The following RGS7 variants were observed in gnomAD, a reference collection of about 807,000 sequenced individuals.
The protein encoded by RGS7 is regulator of G-protein signaling 7.
A neutral mutation model predicts 81.1 loss-of-function variants in RGS7; 27 were observed. That is an observed-to-expected ratio of 0.33 (90% confidence interval 0.25 to 0.46). The LOEUF (loss-of-function observed/expected upper bound fraction) is 0.46. RGS7 is among the 20% of genes least tolerant of loss of function. RGS7 has a pLI of 1.00. For missense variants in RGS7, 396 were observed against 607.4 expected (o/e 0.65, Z 3.66); for synonymous variants, 208 against 207.7 (o/e 1.00, Z -0.01).
chr1:241,140,888 C>T (rs1226994965), intron 2 of RGS7, among the ~76,000 whole-genome samples: 2 of 152,168 alleles, frequency 1.3e-5, no homozygotes, highest in African/African-American at 2.4e-5. Context: ...ATATTTGACA[C>T]AACATTACCC....
At chr1:241,086,386 C>T (rs1281236561) in intron 3 of RGS7, among the ~76,000 whole-genome samples, 1 of 152,112 alleles carries the variant, frequency 6.6e-6, no homozygotes, top group Non-Finnish European at 1.5e-5. Flanking sequence ...GGCCTTCTCC[C>T]TTAACTCACC....
intron 6 of RGS7, among the ~76,000 whole-genome samples, chr1:240,889,078 T>A (rs527798155): frequency 6.6e-6 from 1 of 152,056 alleles, no homozygotes; most frequent in African/African-American, 2.4e-5. Context: ...TGCCTCAGCG[T>A]CCCAAGCAGC....
chr1:241,162,291 G>A (rs1186235500), intron 2 of RGS7, among the ~76,000 whole-genome samples: 1 of 146,480 alleles, frequency 6.8e-6, no homozygotes, highest in Non-Finnish European at 1.5e-5. Context: ...AAATGGCGGC[G>A]TTTAACTGGT....
chr1:240,877,754 T>C (rs1223667796), intron 6 of RGS7, among the ~76,000 whole-genome samples: 2 of 152,240 alleles, frequency 1.3e-5, no homozygotes, highest in East Asian at 3.8e-4. Context: ...TATGCATCTT[T>C]ATTTGTTTTT....
intron 2 of RGS7, among the ~76,000 whole-genome samples, chr1:241,355,207 A>T (rs1479483942): frequency 6.6e-6 from 1 of 152,254 alleles, no homozygotes; most frequent in Non-Finnish European, 1.5e-5. Context: ...ACAAAAAAAG[A>T]CTAGAATTGT....
chr1:240,892,904 T>C (rs1337463937), intron 6 of RGS7, among the ~76,000 whole-genome samples: 1 of 152,124 alleles, frequency 6.6e-6, no homozygotes, highest in East Asian at 1.9e-4. Context: ...CTTTTAACTA[T>C]CAATCTGAGT....
At chr1:241,274,559 T>C (rs2078091044) in intron 2 of RGS7, among the ~76,000 whole-genome samples, 1 of 152,224 alleles carries the variant, frequency 6.6e-6, no homozygotes, top group Non-Finnish European at 1.5e-5. Flanking sequence ...TAATATAATC[T>C]ATGCAGATAT....
intron 2 of RGS7, among the ~76,000 whole-genome samples, chr1:241,133,008 T>C (rs1440494473): frequency 1.3e-5 from 2 of 152,134 alleles, no homozygotes; most frequent in African/African-American, 4.8e-5. Context: ...GTAATCCGCC[T>C]GCCTCAGCCT....
In RGS7 at chr1:240,835,550, C is replaced by T. The variant is rs541750361; in HGVS notation, c.610-8378G>A. ...GTTTGGCAGTTTCTTACAAAACACTCTAACCATTCGATCCAGCAATCATCC... is the reference window on the plus strand; with the variant it reads ...GTTTGGCAGTTTCTTACAAAACACTTTAACCATTCGATCCAGCAATCATCC... On this transcript the variant is annotated intron_variant, in intron 9 of 18. Transcript: ENST00000440928. Among the ~76,000 whole-genome samples the T allele has an allele frequency of 7.9e-5, 12 of 152,308 alleles. No individual in the cohort carries two copies. In the South Asian group the frequency reaches 2.5e-3, roughly 32 times the overall value.
chr1:241,187,701 T>G (rs1443635437), intron 2 of RGS7, among the ~76,000 whole-genome samples: 1 of 152,178 alleles, frequency 6.6e-6, no homozygotes, highest in Non-Finnish European at 1.5e-5. Flanking sequence ...ATAAAGAAAT[T>G]AACATTAACC....
At chr1:241,128,777 C>CAAAAAAAAAAAAAAA (rs71172680) in intron 2 of RGS7, among the ~76,000 whole-genome samples, 10 of 77,956 alleles carry the variant, frequency 1.3e-4, no homozygotes, top group Middle Eastern at 0.015. Context: ...GAATAATAGG[C>CAAAAAAAAAAAAAAA]AAAAAAAAAA....
At chr1:241,220,999 G>GGAAGGAAGGAAGAAAGAAAGAA (rs1558203363) in intron 2 of RGS7, among the ~76,000 whole-genome samples, 1 of 64,740 alleles carries the variant, frequency 1.5e-5, no homozygotes, top group African/African-American at 5.7e-5. Context: ...GGAAGGAAGA[G>GGAAGGAAGGAAGAAAGAAAGAA]AGAGAGAAAG....
chr1:240,803,100 A>G (rs1428340700), intron 15 of RGS7, 107 bp from the exon 16 acceptor site: 4 of 769,828 alleles, frequency 5.2e-6, no homozygotes, highest in Non-Finnish European at 9.4e-6. Flanking sequence ...AGCGAAAAAT[A>G]GTAATAACAA....
At chr1:241,304,429 C>A (rs1208190250) in intron 2 of RGS7, among the ~76,000 whole-genome samples, 1 of 152,160 alleles carries the variant, frequency 6.6e-6, no homozygotes, top group Non-Finnish European at 1.5e-5. Context: ...GACGCACAGC[C>A]AACAGCAGTT....
intron 2 of RGS7, among the ~76,000 whole-genome samples, chr1:241,107,259 T>C (rs7554191): frequency 0.45 from 68,934 of 152,008 alleles, 19,904 homozygotes; most frequent in African/African-American, 0.83. Flanking sequence ...ACTGCTTGAG[T>C]TTTACAGTTT....
chr1:241,236,500 T>G (rs2075984591), intron 2 of RGS7, among the ~76,000 whole-genome samples: 1 of 152,142 alleles, frequency 6.6e-6, no homozygotes, highest in Non-Finnish European at 1.5e-5. Context: ...AGTATGGTGT[T>G]TATTTCTTGA....
At chr1:241,103,170 T>G (rs2102910394) in intron 2 of RGS7, among the ~76,000 whole-genome samples, 1 of 152,258 alleles carries the variant, frequency 6.6e-6, no homozygotes, top group Non-Finnish European at 1.5e-5. Flanking sequence ...TGTGTGTATA[T>G]ATATGTGTGT....
At chr1:241,302,928 G>A (rs962615033) in intron 2 of RGS7, among the ~76,000 whole-genome samples, 3 of 151,690 alleles carry the variant, frequency 2.0e-5, no homozygotes, top group African/African-American at 7.3e-5. Context: ...GTCCGGTAGC[G>A]GTTAAATCAG....
intron 9 of RGS7, among the ~76,000 whole-genome samples, chr1:240,857,110 T>A (rs1661279441): frequency 6.6e-6 from 1 of 152,238 alleles, no homozygotes; most frequent in African/African-American, 2.4e-5. Context: ...TATCACCACA[T>A]GACGCTGTTT....
Sources: allele counts gnomAD v4.1 joint callset (sites outside exome capture counted in the v4.1 genomes callset), GRCh38; gene constraint gnomAD v4.1.1; transcripts MANE v1.5; gene names NCBI Gene and HGNC (gene_info 2026-07-23, HGNC 2026-07-21).